Variants in DNM3 observed in about 807,000 individuals in gnomAD.
DNM3 encodes the protein dynamin-3.
In DNM3, 47 loss-of-function variants were observed where a neutral mutation model predicts 101.6. The ratio of observed to expected loss-of-function variants is 0.46; its 90% confidence interval spans 0.37 to 0.59. The LOEUF is 0.59. Among genes scored for constraint, DNM3 ranks in the 20% least tolerant of loss-of-function variants. The probability of loss-of-function intolerance (pLI) is 0.00; values close to 1 mark genes in which losing one functional copy is unlikely to be tolerated. For missense variants in DNM3, 849 were observed against 1,085.7 expected (o/e 0.78, Z 3.06); for synonymous variants, 385 against 387.9 (o/e 0.99, Z 0.09).
chr1:171,882,935 A>G (rs2036413981), intron 1 of DNM3, among the ~76,000 whole-genome samples: 1 of 151,978 alleles, frequency 6.6e-6, no homozygotes, highest in Non-Finnish European at 1.5e-5. Context: ...ATGACTCATA[A>G]AATCAGTTAC....
intron 2 of DNM3, among the ~76,000 whole-genome samples, chr1:171,973,206 C>T (rs1001636393): frequency 6.6e-6 from 1 of 152,080 alleles, no homozygotes; most frequent in East Asian, 1.9e-4. Flanking sequence ...GAATCAAAGC[C>T]TCTTGGAGGG....
At chr1:171,987,415 C>G (rs1341079258) in intron 2 of DNM3, 2 of 756,322 alleles carry the variant, frequency 2.6e-6, no homozygotes, top group Non-Finnish European at 3.2e-6. Context: ...GGTTTAGGGA[C>G]TGGTTTTAGT....
chr1:172,057,505 A>G (rs1261319183), intron 10 of DNM3, among the ~76,000 whole-genome samples: 2 of 152,172 alleles, frequency 1.3e-5, no homozygotes, highest in Non-Finnish European at 2.9e-5. Flanking sequence ...CTCAGCAGAA[A>G]CTCTACAAGC....
intron 14 of DNM3, among the ~76,000 whole-genome samples, chr1:172,228,041 TA>T (rs1489432332): frequency 6.6e-6 from 1 of 152,164 alleles, no homozygotes; most frequent in Non-Finnish European, 1.5e-5. Context: ...AACAGATTTT[TA>T]ATGGCTCTCT....
chr1:172,242,881 T>G (rs1051852292), intron 14 of DNM3, among the ~76,000 whole-genome samples: 1 of 152,194 alleles, frequency 6.6e-6, no homozygotes, highest in Admixed American at 6.5e-5. Flanking sequence ...TCTTTCCCCC[T>G]GTAGGTATTT....
chr1:172,016,223 C>T (rs2047445245), intron 4 of DNM3, among the ~76,000 whole-genome samples: 1 of 150,936 alleles, frequency 6.6e-6, no homozygotes, highest in African/African-American at 2.4e-5. Flanking sequence ...ATGATGTTAA[C>T]TGTAGGTGTT....
intron 14 of DNM3, among the ~76,000 whole-genome samples, chr1:172,192,144 C>T (rs1293628987): frequency 1.3e-5 from 2 of 152,000 alleles, no homozygotes; most frequent in Admixed American, 6.6e-5. Flanking sequence ...TCATAAATAG[C>T]TCTTATTATT....
intron 14 of DNM3, among the ~76,000 whole-genome samples, chr1:172,220,153 G>A (rs1227599038): frequency 2.0e-5 from 3 of 152,164 alleles, no homozygotes; most frequent in Non-Finnish European, 4.4e-5. Context: ...TGATGTCATT[G>A]AAGAGAAAGG....
intron 13 of DNM3, among the ~76,000 whole-genome samples, chr1:172,096,826 T>C (rs1572491932): frequency 1.3e-5 from 2 of 152,332 alleles, no homozygotes; most frequent in East Asian, 3.9e-4. Flanking sequence ...CTGATTTTTA[T>C]ATTAGAAAGG....
intron 17 of DNM3, among the ~76,000 whole-genome samples, chr1:172,373,972 G>C (rs12069280): frequency 0.045 from 6,881 of 151,972 alleles, 531 homozygotes; most frequent in African/African-American, 0.15. Context: ...TTATTTTTTA[G>C]TTGGGTATGA....
chr1:171,964,505 G>T (rs577939972), intron 2 of DNM3, among the ~76,000 whole-genome samples: 1 of 152,066 alleles, frequency 6.6e-6, no homozygotes. Flanking sequence ...TACATGTACC[G>T]ATGGATGTCT....
At chr1:172,317,776 C>T (rs1449099890) in intron 16 of DNM3, among the ~76,000 whole-genome samples, 1 of 152,126 alleles carries the variant, frequency 6.6e-6, no homozygotes, top group African/African-American at 2.4e-5. Context: ...GAGTCCAGGA[C>T]CAGATGGATT....
intron 4 of DNM3, among the ~76,000 whole-genome samples, chr1:172,006,657 G>A (rs1218087849): frequency 6.6e-6 from 1 of 151,820 alleles, no homozygotes; most frequent in Admixed American, 6.6e-5. Flanking sequence ...ACTTATTGTG[G>A]TTACCTTGAG....
At chr1:172,371,878 TTTTTTTTAC>T (rs905678290) in intron 17 of DNM3, among the ~76,000 whole-genome samples, 2 of 148,604 alleles carry the variant, frequency 1.3e-5, no homozygotes, top group African/African-American at 4.9e-5. Flanking sequence ...TTATTTTTTA[TTTTTTTTAC>T]TTTTTTATTT....
chr1:171,996,304 G>C (rs1480897443), intron 4 of DNM3, among the ~76,000 whole-genome samples: 2 of 152,110 alleles, frequency 1.3e-5, no homozygotes, highest in Admixed American at 6.6e-5. Context: ...ATGATGTTTT[G>C]AATATATTTT....
intron 6 of DNM3, among the ~76,000 whole-genome samples, chr1:172,036,506 C>T (rs558906459): frequency 0.015 from 2,285 of 152,146 alleles, 34 homozygotes; most frequent in Non-Finnish European, 0.023. Context: ...CTACAACTGT[C>T]TGATCTTTGA....
intron 2 of DNM3, among the ~76,000 whole-genome samples, chr1:171,974,975 G>A (rs191020382): frequency 9.4e-4 from 143 of 151,458 alleles, no homozygotes; most frequent in African/African-American, 3.2e-3. Flanking sequence ...TCAGTTTACC[G>A]AATAGCTAAA....
At chr1:172,185,646 A>C (rs1264790865) in intron 14 of DNM3, among the ~76,000 whole-genome samples, 3 of 152,100 alleles carry the variant, frequency 2.0e-5, no homozygotes, top group African/African-American at 7.2e-5. Flanking sequence ...TGCACTTAGG[A>C]ATCATTTTTC....
At chr1:172,103,442 C>T (rs528904556) in intron 13 of DNM3, among the ~76,000 whole-genome samples, 72 of 152,130 alleles carry the variant, frequency 4.7e-4, no homozygotes, top group Non-Finnish European at 7.1e-4. Flanking sequence ...CATGTAAATT[C>T]GCAGACATAA....
Sources: allele counts gnomAD v4.1 joint callset (sites outside exome capture counted in the v4.1 genomes callset), GRCh38; gene constraint gnomAD v4.1.1; transcripts MANE v1.5; gene names NCBI Gene and HGNC (gene_info 2026-07-23, HGNC 2026-07-21).